PLXDC2: variants seen among roughly 807,000 people sequenced by gnomAD.
PLXDC2 encodes the protein plexin domain-containing protein 2.
Under a neutral mutation model 68.9 loss-of-function variants are expected in PLXDC2, and 40 were observed. That is an observed-to-expected ratio of 0.58 (90% confidence interval 0.45 to 0.76). The LOEUF is 0.76. Among genes scored for constraint, PLXDC2 ranks in the 30% least tolerant of loss-of-function variants. PLXDC2 has a pLI of 0.00. For missense variants in PLXDC2, 644 were observed against 661.9 expected (o/e 0.97, Z 0.30); for synonymous variants, 243 against 234.2 (o/e 1.04, Z -0.34).
chr10:20,242,625 C>T (rs1835531881), intron 12 of PLXDC2, among the ~76,000 whole-genome samples: 1 of 152,128 alleles, frequency 6.6e-6, no homozygotes, highest in Admixed American at 6.5e-5. Context: ...TCCCTTCTCA[C>T]CAAATATGGA....
intron 2 of PLXDC2, among the ~76,000 whole-genome samples, chr10:20,030,671 AGATACAGCT>A (rs2131666939): frequency 6.6e-6 from 1 of 152,260 alleles, no homozygotes; most frequent in South Asian, 2.1e-4. Context: ...TCTGATTGGT[AGATACAGCT>A]GAGCCCTGAC....
chr10:19,953,137 C>T (rs1259322407), intron 1 of PLXDC2, among the ~76,000 whole-genome samples: 1 of 152,160 alleles, frequency 6.6e-6, no homozygotes, highest in African/African-American at 2.4e-5. Context: ...ACTTGGAATT[C>T]TATAGTTTCT....
At chr10:20,248,524 A>C (rs1290029873) in intron 13 of PLXDC2, among the ~76,000 whole-genome samples, 2 of 152,190 alleles carry the variant, frequency 1.3e-5, no homozygotes. Flanking sequence ...TTCATTCAGC[A>C]GGTCTCCCAG....
chr10:20,131,645 C>G (rs1833869851), intron 4 of PLXDC2, among the ~76,000 whole-genome samples: 1 of 152,160 alleles, frequency 6.6e-6, no homozygotes, highest in Non-Finnish European at 1.5e-5. Flanking sequence ...GGTGATCCAC[C>G]TGCCTCAGCC....
rs367820974 is a variant in PLXDC2 at position 20,173,238 on chromosome 10, C to T, written c.884-3761C>T. Among the ~76,000 whole-genome samples the T allele has an allele frequency of 4.1e-4, 62 of 152,196 alleles. 2 individuals are homozygous for T. In the East Asian group the frequency reaches 5.2e-3, roughly 13 times the overall value. Reference sequence around the variant, plus strand: ...AGAAATAAGATACAACCATATGGAGCCAGTCATTAAGCATTGGCAACACAT... The same window carrying T: ...AGAAATAAGATACAACCATATGGAGTCAGTCATTAAGCATTGGCAACACAT... On this transcript the variant is annotated intron_variant, in intron 7 of 13. Coordinates refer to ENST00000377252, the MANE Select transcript of PLXDC2 (RefSeq NM_032812.9).
At chr10:20,112,606 AAC>A (rs1452505012) in intron 4 of PLXDC2, among the ~76,000 whole-genome samples, 1 of 152,216 alleles carries the variant, frequency 6.6e-6, no homozygotes, top group East Asian at 1.9e-4. Context: ...GAACCCTCAG[AAC>A]ACACTTCTAT....
chr10:20,253,700 A>G (rs1160889585), intron 13 of PLXDC2, among the ~76,000 whole-genome samples: 1 of 152,182 alleles, frequency 6.6e-6, no homozygotes. Flanking sequence ...CCAGTTATCT[A>G]GCACAAGTAA....
At chr10:19,990,793 A>T (rs1041152686) in intron 1 of PLXDC2, among the ~76,000 whole-genome samples, 3 of 152,210 alleles carry the variant, frequency 2.0e-5, no homozygotes, top group Non-Finnish European at 4.4e-5. Flanking sequence ...TAGGAAAGCA[A>T]TGTCAGAATT....
rs532924634 is a variant in PLXDC2, at chr10:19,833,421, C to G, written c.112+16230C>G. On this transcript the variant is annotated intron_variant, in intron 1 of 13. Coordinates refer to ENST00000377252, the MANE Select transcript of PLXDC2 (RefSeq NM_032812.9). ...GAATGCAAAGCTTTTCTCTTATTCA[C>G]AACCCTCCCACTCACTCATTGATAG... Among the ~76,000 whole-genome samples the G allele has an allele frequency of 2.6e-5, 4 of 152,328 alleles. No individual in the cohort carries two copies. The East Asian group carries it at 7.7e-4, about 29-fold the overall frequency.
chr10:20,030,672 GATACAGCTGAGCCCTGACTGGTTT>G (rs1370332893), intron 2 of PLXDC2, among the ~76,000 whole-genome samples: 3 of 152,250 alleles, frequency 2.0e-5, no homozygotes, highest in Middle Eastern at 3.4e-3. Context: ...CTGATTGGTA[GATACAGCTGAGCCCTGACTGGTTT>G]ATACAGCTGA....
chr10:19,871,738 C>A (rs1270259397), intron 1 of PLXDC2, among the ~76,000 whole-genome samples: 1 of 151,876 alleles, frequency 6.6e-6, no homozygotes, highest in Non-Finnish European at 1.5e-5. Context: ...TACAAAAAAT[C>A]CGCCTGGTGT....
At chr10:19,969,938 G>A (rs749929993) in intron 1 of PLXDC2, among the ~76,000 whole-genome samples, 35 of 152,096 alleles carry the variant, frequency 2.3e-4, no homozygotes, top group African/African-American at 6.5e-4. Flanking sequence ...CACATTTTCC[G>A]TTTTCTCCAT....
At chr10:19,834,891 TGA>T (rs1478882742) in intron 1 of PLXDC2, among the ~76,000 whole-genome samples, 1 of 151,704 alleles carries the variant, frequency 6.6e-6, no homozygotes, top group African/African-American at 2.4e-5. Flanking sequence ...TATATGTGTG[TGA>T]GAGAGAGAGT....
chr10:19,983,734 G>A (rs1191415705), intron 1 of PLXDC2, among the ~76,000 whole-genome samples: 1 of 152,092 alleles, frequency 6.6e-6, no homozygotes, highest in Non-Finnish European at 1.5e-5. Flanking sequence ...CTCAAAGTAC[G>A]GTCCATGGAC....
chr10:20,121,937 G>A (rs1416698755), intron 4 of PLXDC2, among the ~76,000 whole-genome samples: 3 of 152,086 alleles, frequency 2.0e-5, no homozygotes, highest in South Asian at 2.1e-4. Flanking sequence ...GGGTGATTAG[G>A]TTTTAATGAG....
chr10:19,826,198 T>C (rs1302558077), intron 1 of PLXDC2, among the ~76,000 whole-genome samples: 1 of 152,210 alleles, frequency 6.6e-6, no homozygotes, highest in Non-Finnish European at 1.5e-5. Context: ...TGCCAGTCCG[T>C]AGTTTTATGT....
At chr10:20,208,035 A>G (rs181653455) in intron 9 of PLXDC2, among the ~76,000 whole-genome samples, 4 of 152,304 alleles carry the variant, frequency 2.6e-5, no homozygotes, top group African/African-American at 4.8e-5. Context: ...AAAGATTGCA[A>G]AGTAATGCTT....
intron 2 of PLXDC2, among the ~76,000 whole-genome samples, chr10:20,021,385 G>A (rs1032413505): frequency 6.6e-5 from 10 of 151,950 alleles, no homozygotes; most frequent in Admixed American, 1.3e-4. Context: ...TTTCAGCCCC[G>A]CATGCATTAG....
intron 12 of PLXDC2, among the ~76,000 whole-genome samples, chr10:20,241,522 A>G (rs1049894153): frequency 1.3e-5 from 2 of 152,236 alleles, no homozygotes; most frequent in African/African-American, 2.4e-5. Flanking sequence ...GCAATGGCAC[A>G]TGTCTGTAAT....
Sources: allele counts gnomAD v4.1 joint callset (sites outside exome capture counted in the v4.1 genomes callset), GRCh38; gene constraint gnomAD v4.1.1; transcripts MANE v1.5; gene names NCBI Gene and HGNC (gene_info 2026-07-23, HGNC 2026-07-21).